Variants in ZNF692 observed in about 807,000 individuals in gnomAD.
ZNF692 encodes the protein zinc finger protein 692.
In ZNF692, 41 loss-of-function variants were observed where a neutral mutation model predicts 49.0. That is an observed-to-expected ratio of 0.84 (90% CI 0.65 to 1.08). The LOEUF is 1.08. Among genes scored for constraint, ZNF692 ranks in the 50% least tolerant of loss-of-function variants. ZNF692 has a pLI of 0.00. For missense variants in ZNF692, 662 were observed against 662.2 expected, an observed-to-expected ratio of 1.00 and a Z score of 0.00; for synonymous variants, 288 against 251.5, an observed-to-expected ratio of 1.15 and a Z score of -1.37.
At chr1:248,857,177 A>C (rs778832702) in intron 4 of ZNF692, 57 bp downstream of exon 4, 33 of 1,529,930 alleles carry the variant, frequency 2.2e-5, no homozygotes, top group African/African-American at 4.2e-5. Context: ...TGAGCTACAG[A>C]AAATGGGAAA....
At chr1:248,851,878 G>T (rs1257670549) in intron 10 of ZNF692, among the ~76,000 whole-genome samples, 1 of 152,216 alleles carries the variant, frequency 6.6e-6, no homozygotes, top group African/African-American at 2.4e-5. Context: ...ATAATCCCAT[G>T]ATTCCAGGCC....
intron 10 of ZNF692, 197 bp from the exon 11 acceptor site, chr1:248,850,978 G>A (rs1394536065): frequency 8.6e-6 from 6 of 698,712 alleles, no homozygotes; most frequent in African/African-American, 1.8e-5. Context: ...AGTAAGATAC[G>A]AACCCAGCTA....
chr1:248,852,776 C>A (rs989017995), intron 10 of ZNF692, among the ~76,000 whole-genome samples: 12 of 152,224 alleles, frequency 7.9e-5, no homozygotes, highest in African/African-American at 2.9e-4. Context: ...ATACTCAGTT[C>A]CTCAAATACC....
rs1159726457 is a variant in ZNF692 at position 248,858,332 on chromosome 1, G to C, written c.-12-11C>G. Reference sequence around the variant, plus strand: ...CATGTGCACCAGAGGCTGGAGGGTGGAAGGGACGTCTTCAGCGCCCTGCCG... The same window carrying C: ...CATGTGCACCAGAGGCTGGAGGGTGCAAGGGACGTCTTCAGCGCCCTGCCG... On this transcript the variant is annotated splice_polypyrimidine_tract_variant and intron_variant, in intron 1 of 11. Transcript: ENST00000306601. The surrounding 1 kb of genome is among the most constrained non-coding windows in gnomAD (Gnocchi z 4.3). 1.3e-6 allele frequency: 2 copies of C among 1,542,178 alleles called. No homozygotes were observed. Among genetic ancestry groups the C allele is most frequent in the African/African-American group, 2.7e-5 (2 of 73,514 alleles).
Position 248,859,059 on chromosome 1 carries a change from C to A in ZNF692, c.-154G>T, listed in dbSNP as rs538943251. On this transcript the variant is annotated 5_prime_UTR_variant, in exon 1 of 12. Transcript: ENST00000306601. ...TCTTTTAAGAAGAAACGGTGCCTCT[C>A]GGCGTCGGCTGCTGTAGCCCGGAAC... The A allele has an allele frequency of 4.7e-4, 72 of 153,516 alleles. No homozygotes were observed. Among genetic ancestry groups the A allele is most frequent in the Middle Eastern group, 6.8e-3 (2 of 294 alleles). The allele number at this position is 153,516 out of a possible 1,614,324, so 9.5% of individuals were successfully genotyped here.
intron 5 of ZNF692, 25 bp from the exon 6 acceptor site, chr1:248,856,447 T>G (rs773059729): frequency 1.9e-6 from 3 of 1,614,138 alleles, no homozygotes; most frequent in Non-Finnish European, 2.5e-6. Context: ...AAGGCAAGCC[T>G]GAGGTCCTGC....
At chr1:248,851,665 C>T (rs1416594458) in intron 10 of ZNF692, among the ~76,000 whole-genome samples, 1 of 152,136 alleles carries the variant, frequency 6.6e-6, no homozygotes, top group Non-Finnish European at 1.5e-5. Flanking sequence ...TCAATCAGCA[C>T]TCCAGCCCTC....
Position 248,855,793 on chromosome 1 carries a change from T to C in ZNF692, c.813A>G (p.Ala271=). ...TGAGCTGTGGCTGCACCCTGACTTC[T>C]GCAGGTGGAGGAGCTCTGGAACTCA... ...SSLSSRAPPP[A]EVRVQPQLSR... Residue 271 remains alanine, a synonymous_variant, in exon 7 of 12, where the codon GCA becomes GCG. Coordinates refer to ENST00000306601, the MANE Select transcript of ZNF692 (RefSeq NM_017865.4). The C allele has an allele frequency of 6.2e-7, 1 of 1,614,224 alleles. No individual in the cohort carries two copies. Among genetic ancestry groups the C allele is most frequent in the Non-Finnish European group, 8.5e-7 (1 of 1,180,046 alleles).
At position 248,855,446 on chromosome 1, in the gene ZNF692, T is replaced by C. The variant is rs1660113873; in HGVS notation, c.972A>G (p.Lys324=). Residue 324 remains lysine (K), a synonymous_variant, in exon 9 of 12, where the codon AAA becomes AAG. Transcript: ENST00000306601. The stretch of plus-strand genomic sequence containing the variant: ...GGAAGTCACAAGGCATCAGCTCTCT[T>C]TTGGCAGCTTTCCTGAGGAGAAGAA... ...IGPKRIRKAA[K]RELMPCDFPG... is the part of the protein sequence containing the mutation. The C allele has an allele frequency of 6.2e-7, 1 of 1,614,052 alleles. No individual in the cohort carries two copies. The highest frequency in any genetic ancestry group is 8.5e-7 in the Non-Finnish European group (1 of 1,180,042).
rs1051370745 is a variant in ZNF692 at position 248,856,074 on chromosome 1, C to T, written c.660-128G>A. ...AACCCTACCCCCACCCTAGGCTCCC[C>T]ATTCATATCTGCTTTCAGCCCTCAA... On this transcript the variant is annotated intron_variant, in intron 6 of 11. Coordinates refer to ENST00000306601, the MANE Select transcript of ZNF692 (RefSeq NM_017865.4). 14 of 1,200,540 alleles carry T rather than the reference C, an allele frequency of 1.2e-5. No homozygotes were observed. The East Asian group carries it at 3.6e-4, about 31-fold the overall frequency. The allele number at this position is 1,200,540 out of a possible 1,614,324, so 74.4% of individuals were successfully genotyped here.
chr1:248,857,509 G>A lies in ZNF692; in HGVS notation c.212-12C>T. On this transcript the variant is annotated splice_polypyrimidine_tract_variant and intron_variant, in intron 3 of 11. Coordinates refer to ENST00000306601, the MANE Select transcript of ZNF692 (RefSeq NM_017865.4). ...CAAAGGCTCAGGACCTGGAGGGGTG[G>A]GGGAAGCAGTCAGGCTGAACTGGGA... 6.2e-7 allele frequency: 1 copy of A among 1,607,160 alleles called. No homozygotes were observed. The highest frequency in any genetic ancestry group is 2.2e-5 in the East Asian group (1 of 44,782).
chr1:248,857,120 A>G, intron 4 of ZNF692, 114 bp downstream of exon 4: 1 of 1,115,144 alleles, frequency 9.0e-7, no homozygotes, highest in Non-Finnish European at 1.3e-6. Flanking sequence ...ATTTGTCAAG[A>G]TAGAGTTTTT....
chr1:248,851,331 C>T (rs1659565205), intron 10 of ZNF692, among the ~76,000 whole-genome samples: 1 of 152,084 alleles, frequency 6.6e-6, no homozygotes, highest in Admixed American at 6.5e-5. Flanking sequence ...AGCCAGTCCC[C>T]TCTCCTCTTT....
chr1:248,856,123 C>G, intron 6 of ZNF692, 165 bp downstream of exon 6: 1 of 1,291,384 alleles, frequency 7.7e-7, no homozygotes, highest in Non-Finnish European at 1.0e-6. Flanking sequence ...GACTTCACCC[C>G]TTTTCACCCC....
chr1:248,851,443 C>G (rs760511876), intron 10 of ZNF692, among the ~76,000 whole-genome samples: 13 of 152,106 alleles, frequency 8.5e-5, no homozygotes, highest in Admixed American at 5.9e-4. Flanking sequence ...TTTCTCTAAC[C>G]CACCAAACCT....
chr1:248,850,308 G>A lies in ZNF692; in HGVS notation c.1462C>T (p.Pro488Ser). ...CCAGGGGCAGAGATGCTGGGACAGG[G>A]CTCTAGGGGACCACTGGGTGACTCT... Reference protein sequence around the residue: ...PQESPSGPLEPCPSISAPGPL... With the variant: ...PQESPSGPLESCPSISAPGPL... The change falls in exon 12 of 12, where the codon CCC becomes TCC. Residue 488 changes from proline (P) to serine (S), a missense_variant. By Grantham distance (74) the Pro-to-Ser change is moderately conservative (BLOSUM62 -1). Coordinates refer to ENST00000306601, the MANE Select transcript of ZNF692 (RefSeq NM_017865.4). 6.2e-7 allele frequency: 1 copy of A among 1,613,610 alleles called. No homozygotes were observed. The highest frequency in any genetic ancestry group is 8.5e-7 in the Non-Finnish European group (1 of 1,179,754).
intron 9 of ZNF692, chr1:248,854,291 T>G: frequency 2.2e-6 from 1 of 464,946 alleles, no homozygotes; most frequent in African/African-American, 2.0e-5. Context: ...AATTCTGTGC[T>G]TTACTTCCAT....
Position 248,857,983 on chromosome 1 carries a change from A to G in ZNF692, c.180-124T>C, listed in dbSNP as rs1364279470. 5.8e-6 allele frequency: 9 copies of G among 1,551,680 alleles called. No homozygotes were observed. The South Asian group carries it at 1.1e-4, about 18-fold the overall frequency. On this transcript the variant is annotated intron_variant, in intron 2 of 11. Transcript: ENST00000306601. ...TCGCTGAGACCATGAGGAGGGGAGC[A>G]GGACCCTCGGAGGCCACAAGTCACA...
intron 10 of ZNF692, among the ~76,000 whole-genome samples, chr1:248,851,940 A>G (rs966762802): frequency 6.6e-6 from 1 of 152,004 alleles, no homozygotes; most frequent in African/African-American, 2.4e-5. Context: ...GCTCAGCTAC[A>G]TTTCCACAGC....
Sources: allele counts gnomAD v4.1 joint callset (sites outside exome capture counted in the v4.1 genomes callset), GRCh38; gene constraint gnomAD v4.1.1; non-coding constraint Gnocchi (gnomAD v3.1); transcripts MANE v1.5; gene names NCBI Gene and HGNC (gene_info 2026-07-23, HGNC 2026-07-21).